Variants in NCAM1 observed in about 807,000 individuals in gnomAD.
The protein encoded by NCAM1 is antigen recognized by monoclonal antibody 5.1H11.
In NCAM1, 14 loss-of-function variants were observed where a neutral mutation model predicts 109.8. The ratio of observed to expected loss-of-function variants is 0.13; its 90% CI spans 0.08 to 0.20. The LOEUF (loss-of-function observed/expected upper bound fraction) is 0.20. Ranked by LOEUF, NCAM1 falls within the 10% of genes least tolerant of loss-of-function variation. The pLI is 1.00. For synonymous variants in NCAM1, 418 were observed against 442.9 expected, an observed-to-expected ratio of 0.94 and a Z score of 0.70; for missense variants, 774 against 1,109.9, an observed-to-expected ratio of 0.70 and a Z score of 4.30.
At chr11:112,993,405 T>G (rs1951515530) in intron 1 of NCAM1, among the ~76,000 whole-genome samples, 1 of 152,180 alleles carries the variant, frequency 6.6e-6, no homozygotes, top group Non-Finnish European at 1.5e-5. Flanking sequence ...AGGGATCTGC[T>G]CCATGATCCA....
At chr11:113,246,151 A>G (rs1430188600) in intron 14 of NCAM1, 1 of 569,240 alleles carries the variant, frequency 1.8e-6, no homozygotes, top group Non-Finnish European at 3.1e-6. Context: ...TTTCCTATAT[A>G]TGCTGCTAAT....
At chr11:113,021,753 A>G (rs1159151569) in intron 1 of NCAM1, among the ~76,000 whole-genome samples, 1 of 152,216 alleles carries the variant, frequency 6.6e-6, no homozygotes. Context: ...TGATTATAGT[A>G]TTACAAGAAA....
chr11:113,208,147 G>T, intron 7 of NCAM1, 145 bp downstream of exon 7: 1 of 994,070 alleles, frequency 1.0e-6, no homozygotes, highest in South Asian at 1.7e-5. Context: ...CCTAGTCCAA[G>T]CCCTAGTCCA....
intron 1 of NCAM1, among the ~76,000 whole-genome samples, chr11:113,135,506 C>T (rs1214747434): frequency 1.3e-5 from 2 of 152,120 alleles, no homozygotes; most frequent in African/African-American, 2.4e-5. Flanking sequence ...TCTTAAAATA[C>T]GCCAGCTGGG....
intron 8 of NCAM1, among the ~76,000 whole-genome samples, chr11:113,215,145 G>C (rs1176403845): frequency 6.6e-6 from 1 of 152,130 alleles, no homozygotes; most frequent in African/African-American, 2.4e-5. Context: ...AATTAAAATG[G>C]CGGGAAAGAT....
chr11:113,177,082 G>A (rs1211354649), intron 1 of NCAM1, among the ~76,000 whole-genome samples: 1 of 152,158 alleles, frequency 6.6e-6, no homozygotes, highest in African/African-American at 2.4e-5. Flanking sequence ...GGGGTCATTG[G>A]CAAGATCACA....
intron 1 of NCAM1, among the ~76,000 whole-genome samples, chr11:113,032,296 G>C (rs1555078467): frequency 6.6e-6 from 1 of 152,154 alleles, no homozygotes; most frequent in Non-Finnish European, 1.5e-5. Context: ...TCTTTGTTCA[G>C]GGTATGCCAT....
intron 1 of NCAM1, among the ~76,000 whole-genome samples, chr11:113,110,416 T>C (rs1555093434): frequency 1.3e-5 from 2 of 152,220 alleles, no homozygotes; most frequent in African/African-American, 2.4e-5. Context: ...TTAAATGTTA[T>C]GCTCTGGTTT....
chr11:113,244,792 C>T (rs1555119841), intron 14 of NCAM1, among the ~76,000 whole-genome samples: 1 of 152,018 alleles, frequency 6.6e-6, no homozygotes. Flanking sequence ...TAGGAAGGTG[C>T]CTGAATCTGT....
At chr11:113,069,230 T>G (rs1242706185) in intron 1 of NCAM1, among the ~76,000 whole-genome samples, 1 of 152,080 alleles carries the variant, frequency 6.6e-6, no homozygotes, top group Non-Finnish European at 1.5e-5. Context: ...GCACTCAAAC[T>G]CAGGCAGAAA....
intron 1 of NCAM1, among the ~76,000 whole-genome samples, chr11:112,992,524 C>T (rs1468036046): frequency 5.9e-5 from 8 of 135,066 alleles, no homozygotes; most frequent in South Asian, 2.3e-4. Flanking sequence ...TTTTTTGAGA[C>T]GGAGTCTCAC....
intron 1 of NCAM1, among the ~76,000 whole-genome samples, chr11:113,001,931 C>G (rs1951762961): frequency 6.6e-6 from 1 of 152,140 alleles, no homozygotes; most frequent in African/African-American, 2.4e-5. Context: ...TGGCTTCATT[C>G]CCAGGCAGCT....
intron 1 of NCAM1, among the ~76,000 whole-genome samples, chr11:113,152,769 C>T (rs1555102683): frequency 6.6e-6 from 1 of 152,170 alleles, no homozygotes; most frequent in African/African-American, 2.4e-5. Flanking sequence ...TGAAAGGAAA[C>T]AAGCAAGTAC....
chr11:113,052,990 C>A (rs183782841), intron 1 of NCAM1, among the ~76,000 whole-genome samples: 4 of 152,120 alleles, frequency 2.6e-5, no homozygotes, highest in Non-Finnish European at 4.4e-5. Flanking sequence ...TCCTAGGGCT[C>A]CCCTGCCACA....
chr11:113,220,782 A>AT (rs1274464325), intron 8 of NCAM1, among the ~76,000 whole-genome samples: 102 of 150,666 alleles, frequency 6.8e-4, no homozygotes, highest in African/African-American at 2.4e-3. Flanking sequence ...AATTTTGTGT[A>AT]TTTTTTTTAG....
chr11:113,175,001 C>T (rs1226124098), intron 1 of NCAM1, among the ~76,000 whole-genome samples: 1 of 152,214 alleles, frequency 6.6e-6, no homozygotes, highest in Non-Finnish European at 1.5e-5. Flanking sequence ...AGCCAAAAGG[C>T]TTCCTCCATG....
chr11:113,164,722 C>G (rs1942724368), intron 1 of NCAM1, among the ~76,000 whole-genome samples: 1 of 152,162 alleles, frequency 6.6e-6, no homozygotes, highest in Non-Finnish European at 1.5e-5. Flanking sequence ...CACCATCCTC[C>G]CAGAACCTTT....
intron 1 of NCAM1, among the ~76,000 whole-genome samples, chr11:113,174,607 C>T (rs1943092213): frequency 6.6e-6 from 1 of 152,210 alleles, no homozygotes; most frequent in African/African-American, 2.4e-5. Flanking sequence ...CCCTACCTGG[C>T]TCATCTGACC....
chr11:113,150,741 G>C (rs782252067), intron 1 of NCAM1, among the ~76,000 whole-genome samples: 1 of 152,194 alleles, frequency 6.6e-6, no homozygotes, highest in Non-Finnish European at 1.5e-5. Context: ...ATGAGAGAGA[G>C]AGAGCATGCT....
Sources: gnomAD v4.1 joint callset for allele counts (sites outside exome capture counted in the v4.1 genomes callset) on GRCh38, gnomAD v4.1.1 for gene constraint, MANE v1.5 for transcripts, NCBI Gene and HGNC (gene_info 2026-07-23, HGNC 2026-07-21) for gene names.